LINGO2: variants seen among roughly 807,000 people sequenced by gnomAD.
The protein encoded by LINGO2 is leucine rich repeat and Ig domain containing 2.
Under a neutral mutation model 30.6 loss-of-function variants are expected in LINGO2, and 14 were observed. The ratio of observed to expected loss-of-function variants is 0.46; its 90% CI spans 0.30 to 0.72. The LOEUF is 0.72. Ranked by LOEUF, LINGO2 falls within the 30% of genes least tolerant of loss-of-function variation. LINGO2 has a pLI of 0.07. For synonymous variants in LINGO2, 317 were observed against 288.5 expected (o/e 1.10, Z -1.00); for missense variants, 729 against 751.7 (o/e 0.97, Z 0.35).
the LINGO2 span, among the ~76,000 whole-genome samples, chr9:28,848,242 C>T: frequency 1.9e-5 from 2 of 106,264 alleles, no homozygotes; most frequent in Admixed American, 2.0e-4. Context: ...TATATACACA[C>T]TATATATACG....
At chr9:28,052,439 A>G (rs536699030) in intron 4 of LINGO2, among the ~76,000 whole-genome samples, 7 of 152,204 alleles carry the variant, frequency 4.6e-5, no homozygotes, top group Admixed American at 3.3e-4. Flanking sequence ...AAGAAGCTAG[A>G]GAGCACATTT....
the LINGO2 span, among the ~76,000 whole-genome samples, chr9:28,969,834 G>C: frequency 8.5e-5 from 13 of 152,156 alleles, no homozygotes; most frequent in African/African-American, 3.1e-4. Context: ...GCAGACAGTA[G>C]CTAAAGCAAA....
At chr9:28,103,494 G>A (rs1048059751) in intron 4 of LINGO2, among the ~76,000 whole-genome samples, 3 of 152,050 alleles carry the variant, frequency 2.0e-5, no homozygotes, top group African/African-American at 7.2e-5. Flanking sequence ...ACAAGCCCAG[G>A]TTAGCTTGCT....
At chr9:29,009,813 T>C in the LINGO2 span, among the ~76,000 whole-genome samples, 32 of 152,280 alleles carry the variant, frequency 2.1e-4, no homozygotes, top group African/African-American at 7.7e-4. Context: ...AAAAGCATGG[T>C]ACTGGTACCA....
chr9:28,496,978 A>C (rs1348702697), intron 1 of LINGO2, among the ~76,000 whole-genome samples: 1 of 152,190 alleles, frequency 6.6e-6, no homozygotes, highest in African/African-American at 2.4e-5. Flanking sequence ...AGAATGTTGA[A>C]TATTGGCCGC....
chr9:28,747,825 T>C, the LINGO2 span, among the ~76,000 whole-genome samples: 1 of 152,096 alleles, frequency 6.6e-6, no homozygotes, highest in Non-Finnish European at 1.5e-5. Flanking sequence ...ATAAAACAAT[T>C]GCAGATAACT....
chr9:29,082,062 G>C, the LINGO2 span, among the ~76,000 whole-genome samples: 10 of 152,010 alleles, frequency 6.6e-5, no homozygotes, highest in African/African-American at 2.4e-5. Flanking sequence ...TTTCTTCACA[G>C]AATTGGAAAA....
Position 28,404,900 on chromosome 9 carries a change from T to TTGTGTGTGTGTGTGTGTG in LINGO2, c.-278-32050_-278-32033dup, listed in dbSNP as rs60281661. Among the ~76,000 whole-genome samples, 263 of 102,542 alleles carry TTGTGTGTGTGTGTGTGTG rather than the reference T, an allele frequency of 2.6e-3. 2 individuals carry two copies. Among genetic ancestry groups the TTGTGTGTGTGTGTGTGTG allele is most frequent in the African/African-American group, 5.5e-3 (204 of 36,900 alleles). 67.3% of individuals were successfully genotyped at this position (102,542 alleles called of 152,430 possible). ...TGTTAAAACTAGAGGCTCAGCCGCTTTGTGTGTGTGTGTGTGTGTGTGTGT... is the reference window on the plus strand; with the variant it reads ...TGTTAAAACTAGAGGCTCAGCCGCTTTGTGTGTGTGTGTGTGTGTGTGTGTGTGTGTGTGTGTGTGTGT... On this transcript the variant is annotated intron_variant, in intron 2 of 5. Coordinates refer to ENST00000379992, the Ensembl canonical transcript of LINGO2.
In LINGO2 at chr9:28,473,904, A is replaced by G. The variant is rs559275894; in HGVS notation, c.-279+2036T>C. On this transcript the variant is annotated intron_variant, in intron 2 of 5. Coordinates refer to ENST00000379992, the Ensembl canonical transcript of LINGO2. Reference sequence around the variant, plus strand: ...CTAAATCAAGCACTGCTAAGAAAAAAAAACTTATTTCTGACATCTTAAACT... The same window carrying G: ...CTAAATCAAGCACTGCTAAGAAAAAGAAACTTATTTCTGACATCTTAAACT... 5.3e-5 allele frequency among the ~76,000 whole-genome samples: 8 copies of G among 152,160 alleles called. No individual in the cohort carries two copies. The South Asian group carries it at 1.4e-3, about 28-fold the overall frequency.
In LINGO2 at chr9:28,130,971, C is replaced by A. The variant is rs1239369628; in HGVS notation, c.-86-118566G>T. Among the ~76,000 whole-genome samples, 1 of 152,102 alleles carries A rather than the reference C, an allele frequency of 6.6e-6. No homozygotes were observed. Among genetic ancestry groups the A allele is most frequent in the Non-Finnish European group, 1.5e-5 (1 of 67,992 alleles). On this transcript the variant is annotated intron_variant, in intron 4 of 5. Coordinates refer to ENST00000379992, the Ensembl canonical transcript of LINGO2. The surrounding 1 kb of genome is among the most constrained non-coding windows in gnomAD (Gnocchi z 5.2). ...AACTGGAAAACTTTGGATTTCCCAA[C>A]AATGTATACGCCTTCCCATCTCTGC...
At chr9:28,705,203 C>T in the LINGO2 span, among the ~76,000 whole-genome samples, 5 of 152,124 alleles carry the variant, frequency 3.3e-5, no homozygotes, top group African/African-American at 4.8e-5. Context: ...AGGTGCAAGA[C>T]ACCATGCCCG....
intron 5 of LINGO2, among the ~76,000 whole-genome samples, chr9:27,993,341 C>T (rs1359373950): frequency 6.6e-6 from 1 of 152,040 alleles, no homozygotes; most frequent in Non-Finnish European, 1.5e-5. Context: ...TGAACAATAT[C>T]CATATGAATT....
At chr9:28,137,646 G>A (rs1379684422) in intron 4 of LINGO2, among the ~76,000 whole-genome samples, 1 of 151,852 alleles carries the variant, frequency 6.6e-6, no homozygotes. Flanking sequence ...AAGTGAATAT[G>A]TATTTGATAG....
chr9:28,194,469 T>C (rs1218536688), intron 4 of LINGO2, among the ~76,000 whole-genome samples: 1 of 151,520 alleles, frequency 6.6e-6, no homozygotes, highest in African/African-American at 2.4e-5. Flanking sequence ...GATCTGAGAT[T>C]TGAAGAGCAG....
intron 1 of LINGO2, among the ~76,000 whole-genome samples, chr9:28,515,275 C>T (rs765701663): frequency 3.4e-5 from 5 of 146,552 alleles, no homozygotes; most frequent in Non-Finnish European, 7.4e-5. Flanking sequence ...GGTGCAATCT[C>T]GGCTCACTGC....
intron 1 of LINGO2, among the ~76,000 whole-genome samples, chr9:28,522,801 A>G (rs576466457): frequency 6.6e-6 from 1 of 152,248 alleles, no homozygotes; most frequent in East Asian, 1.9e-4. Context: ...TGAAGTACAT[A>G]GAACCTATGA....
At chr9:28,925,963 G>T in the LINGO2 span, among the ~76,000 whole-genome samples, 2 of 152,186 alleles carry the variant, frequency 1.3e-5, no homozygotes, top group African/African-American at 4.8e-5. Flanking sequence ...TAAAAAGGCA[G>T]TGAAATGAGG....
intron 2 of LINGO2, among the ~76,000 whole-genome samples, chr9:28,461,812 G>T (rs979663033): frequency 6.6e-6 from 1 of 152,154 alleles, no homozygotes; most frequent in Non-Finnish European, 1.5e-5. Context: ...CTCAGGCAAA[G>T]AAAAGTAATT....
chr9:28,086,625 T>C (rs1208930856), intron 4 of LINGO2, among the ~76,000 whole-genome samples: 2 of 151,852 alleles, frequency 1.3e-5, no homozygotes, highest in East Asian at 3.9e-4. Flanking sequence ...TGAATTTATA[T>C]ATGTCAGAAA....
Sources: gnomAD v4.1 joint callset for allele counts (sites outside exome capture counted in the v4.1 genomes callset) on GRCh38, gnomAD v4.1.1 for gene constraint, Gnocchi (gnomAD v3.1) non-coding constraint, MANE v1.5 for transcripts, NCBI Gene and HGNC (gene_info 2026-07-23, HGNC 2026-07-21) for gene names.